The following CKB variants were observed in gnomAD, a reference collection of about 807,000 sequenced individuals.
CKB encodes the protein creatine kinase B-type.
CKB carries 15 observed loss-of-function variants against 36.9 expected under a neutral mutation model. That is an observed-to-expected ratio of 0.41 (90% confidence interval 0.27 to 0.63). The LOEUF is 0.63. Among genes scored for constraint, CKB ranks in the 20% least tolerant of loss-of-function variants. The pLI, the probability that CKB is intolerant of heterozygous loss-of-function variation, is 0.34. For missense variants in CKB, 413 were observed against 534.9 expected, an observed-to-expected ratio of 0.77 and a Z score of 2.25; for synonymous variants, 250 against 228.2, an observed-to-expected ratio of 1.10 and a Z score of -0.86.
rs2142232508 is a variant in CKB, at chr14:103,522,583, G to C, written c.-12-78C>G. On this transcript the variant is annotated intron_variant, in intron 1 of 7. Coordinates refer to ENST00000348956, the MANE Select transcript of CKB (RefSeq NM_001823.5). This position sits in a 1 kb window ranked among gnomAD's most constrained non-coding sequence, Gnocchi z 6.7. Reference sequence around the variant, plus strand: ...CCCGCGTACCACTCAGGCCCCCGCCGCCGGGCCCCCCGGCGCCCCCCGGGA... The same window carrying C: ...CCCGCGTACCACTCAGGCCCCCGCCCCCGGGCCCCCCGGCGCCCCCCGGGA... 2.3e-3 allele frequency: 772 copies of C among 335,450 alleles called. No individual in the cohort carries two copies. Among genetic ancestry groups the C allele is most frequent in the Non-Finnish European group, 3.3e-3 (683 of 207,974 alleles). The allele number at this position is 335,450 out of a possible 1,614,324, so 20.8% of individuals were successfully genotyped here.
At position 103,520,835 on chromosome 14, in the gene CKB, A is replaced by T. The variant is rs938487628; in HGVS notation, c.654-243T>A. ...GGGCGGGGCCAGGGACCGCCAGGAC[A>T]GCCCGACCCGCCCCCCACAGTGGGG... On this transcript the variant is annotated intron_variant, in intron 5 of 7. Transcript: ENST00000348956. 5.6e-5 allele frequency: 30 copies of T among 538,826 alleles called. 1 individual carries two copies. The highest frequency in any genetic ancestry group is 4.2e-4 in the South Asian group (20 of 47,852). The allele number at this position is 538,826 out of a possible 1,614,324, so 33.4% of individuals were successfully genotyped here. A position where few individuals can be genotyped will look rare whatever the true frequency, so the allele number is the denominator to read the frequency against.
rs760482800 is a variant in CKB at position 103,522,497 on chromosome 14, G to A, written c.-4C>T. The A allele has an allele frequency of 1.3e-6, 2 of 1,595,996 alleles. No individual in the cohort carries two copies. The highest frequency in any genetic ancestry group is 1.1e-5 in the South Asian group (1 of 90,118). ...TGTGGCTGTTGGAGAAGGGCATGGC[G>A]GCGGCGGGCTGCGGGGAGACGCGGG... On this transcript the variant is annotated 5_prime_UTR_variant, in exon 2 of 8. Coordinates refer to ENST00000348956, the MANE Select transcript of CKB (RefSeq NM_001823.5). This position sits in a 1 kb window ranked among gnomAD's most constrained non-coding sequence, Gnocchi z 6.7.
rs765863795 is a variant in CKB at position 103,520,076 on chromosome 14, G to A, written c.968-34C>T. 6 of 1,606,320 alleles carry A rather than the reference G, an allele frequency of 3.7e-6. No homozygotes were observed. In the African/African-American group the frequency reaches 4.0e-5, roughly 11 times the overall value. On this transcript the variant is annotated intron_variant, in intron 7 of 7. Transcript: ENST00000348956. ...ACAGCAAGTCAGGGCGGAGGAAACAGGGCTGCCCAAAGGCCACGGGAAGCC... is the reference window on the plus strand; with the variant it reads ...ACAGCAAGTCAGGGCGGAGGAAACAAGGCTGCCCAAAGGCCACGGGAAGCC...
In CKB at chr14:103,521,266, A is replaced by T. The variant is rs746716173; in HGVS notation, c.650T>A (p.Ile217Asn). The change falls in exon 5 of 8, where the codon ATC (isoleucine) becomes AAC (asparagine). Residue 217 changes from isoleucine (I) to asparagine (N), a missense_variant. By Grantham distance (149) the Ile-to-Asn change is moderately radical (BLOSUM62 -3). Coordinates refer to ENST00000348956, the MANE Select transcript of CKB (RefSeq NM_001823.5). ...GAGGGCGCAGAGGGACACGCACCAG[A>T]TACCGCGGGCGTCGGGCCAGTCGCG... ...MARDWPDARG[I>N]WHNDNKTFLV... 6.3e-7 allele frequency: 1 copy of T among 1,591,408 alleles called. No individual in the cohort carries two copies.
At chr14:103,521,594 G>A (rs1326260032) in intron 4 of CKB, 160 bp from the exon 5 acceptor site, 12 of 927,478 alleles carry the variant, frequency 1.3e-5, no homozygotes, top group South Asian at 8.0e-5. Context: ...GACGGTCCCA[G>A]GCGGTGACCC....
rs1367035745 is a variant in CKB, at chr14:103,520,214, C to T, written c.875G>A (p.Arg292Gln). 3 of 1,613,540 alleles carry T rather than the reference C, an allele frequency of 1.9e-6. No homozygotes were observed. ...GGGCAGCTTGATATGCACACCTGCCCGCAGCCCGGTGCCCAGGTTGGATGG... is the reference window on the plus strand; with the variant it reads ...GGGCAGCTTGATATGCACACCTGCCTGCAGCCCGGTGCCCAGGTTGGATGG... ...TCPSNLGTGL[R>Q]AGVHIKLPNL... The change falls in exon 7 of 8, where the codon CGG becomes CAG. Residue 292 changes from arginine to glutamine, a missense_variant. Transcript: ENST00000348956.
At chr14:103,520,752 C>T in intron 5 of CKB, 160 bp from the exon 6 acceptor site, 4 of 1,024,476 alleles carry the variant, frequency 3.9e-6, no homozygotes, top group Non-Finnish European at 4.1e-6. Flanking sequence ...GGCGGGGGAA[C>T]CGGGACGCCT....
At position 103,522,295 on chromosome 14, in the gene CKB, G is replaced by C. The variant is rs750368696; in HGVS notation, c.193+6C>G. 1.9e-6 allele frequency: 3 copies of C among 1,601,028 alleles called. No homozygotes were observed. Among genetic ancestry groups the C allele is most frequent in the South Asian group, 1.1e-5 (1 of 90,460 alleles). ...GCCGGGACCCCGGCCCCGAGGGGTC[G>C]CGTACCCGGGTTGTCCACGCCTGTC... On this transcript the variant is annotated splice_donor_region_variant and intron_variant, in intron 2 of 7. Transcript: ENST00000348956. This position sits in a 1 kb window ranked among gnomAD's most constrained non-coding sequence, Gnocchi z 6.7.
At chr14:103,520,400 G>A in intron 6 of CKB, 69 bp downstream of exon 6, 1 of 1,588,074 alleles carries the variant, frequency 6.3e-7, no homozygotes, top group Non-Finnish European at 8.6e-7. Flanking sequence ...ATCCCCCGGG[G>A]GGACTGATGC....
intron 6 of CKB, 47 bp downstream of exon 6, chr14:103,520,422 C>T (rs2075892224): frequency 1.3e-6 from 2 of 1,590,408 alleles, no homozygotes; most frequent in Admixed American, 1.8e-5. Context: ...GGGGCACCCA[C>T]ATCCCTGCTG....
At chr14:103,520,343 G>A (rs1424066927) in intron 6 of CKB, 32 bp from the exon 7 acceptor site, 2 of 1,580,020 alleles carry the variant, frequency 1.3e-6, no homozygotes, top group African/African-American at 1.3e-5. Context: ...TGAGGGAGAA[G>A]GCCTGCCTGA....
At position 103,522,519 on chromosome 14, in the gene CKB, CG is replaced by C. The variant is rs1566963373; in HGVS notation, c.-12-15del. ...GGCGGCGGCGGGCTGCGGGGAGACG[CG>C]GGGTCAGAGGGGACCGGCACGCCGG... On this transcript the variant is annotated splice_polypyrimidine_tract_variant and intron_variant, in intron 1 of 7. Coordinates refer to ENST00000348956, the MANE Select transcript of CKB (RefSeq NM_001823.5). The surrounding 1 kb of genome is among the most constrained non-coding windows in gnomAD (Gnocchi z 6.7). The C allele has an allele frequency of 8.2e-6, 11 of 1,342,380 alleles. No individual in the cohort carries two copies. In the Admixed American group the frequency reaches 2.2e-4, roughly 27 times the overall value. The allele number at this position is 1,342,380 out of a possible 1,614,324, so 83.2% of individuals were successfully genotyped here. A position where few individuals can be genotyped will look rare whatever the true frequency, so the allele number is the denominator to read the frequency against.
At chr14:103,520,719 ACT>A in intron 5 of CKB, 127 bp from the exon 6 acceptor site, 1 of 1,311,140 alleles carries the variant, frequency 7.6e-7, no homozygotes, top group Non-Finnish European at 1.0e-6. Flanking sequence ...TGCTGCCAAG[ACT>A]CCACCCGCCA....
Position 103,522,610 on chromosome 14 carries a change from GC to G in CKB, c.-12-106del. ...CGGGCCCCCCGGCGCCCCCCGGGAC[GC>G]GGCCAAGGTCAGCGGGGTCCGCAGC... On this transcript the variant is annotated intron_variant, in intron 1 of 7. Transcript: ENST00000348956. The surrounding 1 kb of genome is among the most constrained non-coding windows in gnomAD (Gnocchi z 6.7). The G allele has an allele frequency of 1.2e-6, 1 of 822,182 alleles. No individual in the cohort carries two copies. Among genetic ancestry groups the G allele is most frequent in the Non-Finnish European group, 1.7e-6 (1 of 600,494 alleles). 50.9% of individuals were successfully genotyped at this position (822,182 alleles called of 1,614,324 possible).
In CKB at chr14:103,522,189, G is replaced by T. The variant is rs1253149926; in HGVS notation, c.194-12C>A. The T allele has an allele frequency of 2.5e-6, 4 of 1,599,694 alleles. No individual in the cohort carries two copies. The highest frequency in any genetic ancestry group is 3.4e-6 in the Non-Finnish European group (4 of 1,174,020). ...GATGTACGGGTGGCCTGGGGGAGGG[G>T]GCGCGGGACGGGGACAGTGACGTCA... On this transcript the variant is annotated splice_polypyrimidine_tract_variant and intron_variant, in intron 2 of 7. Transcript: ENST00000348956. The surrounding 1 kb of genome is among the most constrained non-coding windows in gnomAD (Gnocchi z 6.7).
rs34995931 is a variant in CKB at position 103,521,544 on chromosome 14, C to G, written c.482-110G>C. 1.3e-3 allele frequency: 1,453 copies of G among 1,120,142 alleles called. 16 individuals carry two copies. In the East Asian group the frequency reaches 0.028, roughly 22 times the overall value. The allele number at this position is 1,120,142 out of a possible 1,614,324, so 69.4% of individuals were successfully genotyped here. A position where few individuals can be genotyped will look rare whatever the true frequency, so the allele number is the denominator to read the frequency against. ...CTCGGGGGACGTCAGAGGGCCCCACCCGCCCGGATCTGCGGGCGTCCAGTC... is the reference window on the plus strand; with the variant it reads ...CTCGGGGGACGTCAGAGGGCCCCACGCGCCCGGATCTGCGGGCGTCCAGTC... On this transcript the variant is annotated intron_variant, in intron 4 of 7. Coordinates refer to ENST00000348956, the MANE Select transcript of CKB (RefSeq NM_001823.5).
chr14:103,520,477 G>C lies in CKB; in HGVS notation c.769C>G (p.Leu257Val), dbSNP rs1322309456. The part of the protein sequence containing the change: ...KEVFTRFCTG[L>V]TQIETLFKSK... ...TGCCCCGTCCCTGGCACCTGGGTGA[G>C]GCCGGTGCAGAAGCGGGTGAACACC... is the stretch of plus-strand genomic sequence containing the variant. Residue 257 changes from leucine to valine, a missense_variant, in exon 6 of 8, where the codon CTC becomes GTC. This residue lies in a region of CKB where 314 missense variants were observed against 409.4 expected (regional missense o/e 0.77). Transcript: ENST00000348956. The C allele has an allele frequency of 1.9e-6, 3 of 1,601,252 alleles. No individual in the cohort carries two copies. Among genetic ancestry groups the C allele is most frequent in the Admixed American group, 1.7e-5 (1 of 57,762 alleles).
At chr14:103,520,415 G>A in intron 6 of CKB, 54 bp downstream of exon 6, 1 of 1,588,880 alleles carries the variant, frequency 6.3e-7, no homozygotes, top group Non-Finnish European at 8.6e-7. Flanking sequence ...TGATGCTGGG[G>A]CACCCACATC....
At chr14:103,520,791 T>C (rs918645861) in intron 5 of CKB, 199 bp from the exon 6 acceptor site, 3 of 751,864 alleles carry the variant, frequency 4.0e-6, no homozygotes, top group Admixed American at 6.3e-5. Flanking sequence ...GCTGCCATCA[T>C]GCGCTGTGGC....
Sources: gnomAD v4.1 joint callset for allele counts on GRCh38, gnomAD v4.1.1 for gene constraint, gnomAD v4.1.1 regional missense constraint, Gnocchi (gnomAD v3.1) non-coding constraint, MANE v1.5 for transcripts, NCBI Gene and HGNC (gene_info 2026-07-23, HGNC 2026-07-21) for gene names.